The following PCTP variants were observed in gnomAD, a reference collection of about 807,000 sequenced individuals.
PCTP encodes the protein phosphatidylcholine transfer protein.
In PCTP, 27 loss-of-function variants were observed where a neutral mutation model predicts 31.0. That is an observed-to-expected ratio of 0.87 (90% CI 0.64 to 1.20). The LOEUF (loss-of-function observed/expected upper bound fraction) is 1.20, where lower values mean the gene tolerates loss of function less well. Among genes scored for constraint, PCTP ranks in the 50% most tolerant of loss-of-function variants. The pLI is 0.00. For synonymous variants in PCTP, 108 were observed against 101.2 expected (o/e 1.07, Z -0.40); for missense variants, 287 against 268.2 (o/e 1.07, Z -0.49).
rs536210850 is a variant in PCTP, at chr17:55,789,936, A to T, written c.317+2282A>T. 1.7e-4 allele frequency among the ~76,000 whole-genome samples: 26 copies of T among 152,302 alleles called. No individual in the cohort carries two copies. In the East Asian group the frequency reaches 4.8e-3, roughly 28 times the overall value. ...ACTGGCAAACCGAATCCAGCAGCAC[A>T]TCAAAAAGCTTATCCACCATGATCA... On this transcript the variant is annotated intron_variant, in intron 3 of 3. Transcript: ENST00000572536.
intron 3 of PCTP, among the ~76,000 whole-genome samples, chr17:55,794,309 T>TC (rs1555569042): frequency 6.6e-6 from 1 of 150,692 alleles, no homozygotes; most frequent in African/African-American, 2.4e-5. Context: ...GTCTTCTTCT[T>TC]TTTTTTTAAG....
At chr17:55,808,977 T>C (rs1351364706) in intron 3 of PCTP, among the ~76,000 whole-genome samples, 1 of 151,972 alleles carries the variant, frequency 6.6e-6, no homozygotes, top group East Asian at 1.9e-4. Flanking sequence ...GAGGCAATGG[T>C]GTTCAAGAAA....
chr17:55,777,421 G>A (rs1338217643), downstream of PCTP: 3 of 965,572 alleles, frequency 3.1e-6, no homozygotes, highest in African/African-American at 1.8e-5. Context: ...TTTTGTGAGT[G>A]TGCATCAGTT....
intron 3 of PCTP, among the ~76,000 whole-genome samples, chr17:55,790,920 G>A (rs1911941918): frequency 6.6e-6 from 1 of 151,290 alleles, no homozygotes; most frequent in Admixed American, 6.6e-5. Flanking sequence ...CAAGGCTACA[G>A]TAACCAAAAC....
Position 55,797,978 on chromosome 17 carries a change from G to T in PCTP, c.317+10324G>T, listed in dbSNP as rs531740859. Among the ~76,000 whole-genome samples, 9 of 151,924 alleles carry T rather than the reference G, an allele frequency of 5.9e-5. No individual in the cohort carries two copies. In the South Asian group the frequency reaches 1.5e-3, roughly 25 times the overall value. On this transcript the variant is annotated intron_variant, in intron 3 of 3. Coordinates refer to the PCTP transcript ENST00000572536. ...AAGACACAAACTTTTAAAAAACTGGGATTCATATGTCCAAAATATTAAATA... is the reference window on the plus strand; with the variant it reads ...AAGACACAAACTTTTAAAAAACTGGTATTCATATGTCCAAAATATTAAATA...
intron 1 of PCTP, among the ~76,000 whole-genome samples, chr17:55,764,476 C>A (rs1394377421): frequency 2.0e-5 from 3 of 152,166 alleles, no homozygotes; most frequent in Non-Finnish European, 4.4e-5. Flanking sequence ...TCTACTGGGG[C>A]ATCCATGGCA....
At position 55,776,071 on chromosome 17, in the gene PCTP, G is replaced by C. The variant is rs769888268; in HGVS notation, c.616G>C (p.Ala206Pro). ...VPNFLKDMAR[A>P]CQNYLKKT Reference sequence around the variant, plus strand: ...TAACTTCTTGAAAGACATGGCAAGAGCCTGTCAGAACTACCTCAAGAAAAC... The same window carrying C: ...TAACTTCTTGAAAGACATGGCAAGACCCTGTCAGAACTACCTCAAGAAAAC... Residue 206 changes from alanine to proline, a missense_variant, in exon 6 of 6, where the codon GCC (alanine) becomes CCC (proline). Ala to Pro is a conservative substitution (Grantham distance 27). Coordinates refer to ENST00000268896, the MANE Select transcript of PCTP (RefSeq NM_021213.4). The C allele has an allele frequency of 6.2e-7, 1 of 1,614,028 alleles. No individual in the cohort carries two copies. The highest frequency in any genetic ancestry group is 8.5e-7 in the Non-Finnish European group (1 of 1,179,962).
At chr17:55,772,384 C>G (rs558579108) in intron 3 of PCTP, among the ~76,000 whole-genome samples, 3 of 151,780 alleles carry the variant, frequency 2.0e-5, no homozygotes, top group African/African-American at 7.3e-5. Context: ...TGTCAGAGTT[C>G]GAGATCAGCC....
At chr17:55,814,506 A>G (rs566760589) in intron 3 of PCTP, among the ~76,000 whole-genome samples, 74 of 152,326 alleles carry the variant, frequency 4.9e-4, no homozygotes, top group Non-Finnish European at 9.7e-4. Context: ...AAGGCTGAAC[A>G]AGGTCGGGGG....
At chr17:55,788,808 A>G (rs185036570) in intron 3 of PCTP, among the ~76,000 whole-genome samples, 9 of 152,150 alleles carry the variant, frequency 5.9e-5, no homozygotes, top group African/African-American at 2.2e-4. Flanking sequence ...CATGAGCTAT[A>G]TTTCTTTTAT....
At chr17:55,791,492 A>G (rs369335689) in intron 3 of PCTP, among the ~76,000 whole-genome samples, 16,391 of 141,734 alleles carry the variant, frequency 0.12, 889 homozygotes, top group Middle Eastern at 0.19. Context: ...AAAAGTGGGC[A>G]AAGGACATGA....
intron 1 of PCTP, among the ~76,000 whole-genome samples, chr17:55,753,415 A>T (rs1909820161): frequency 6.6e-6 from 1 of 152,226 alleles, no homozygotes; most frequent in African/African-American, 2.4e-5. Flanking sequence ...CTTATAATTC[A>T]GGTGCTAAGT....
intron 3 of PCTP, among the ~76,000 whole-genome samples, chr17:55,808,954 C>G (rs1298830955): frequency 1.3e-5 from 2 of 152,134 alleles, no homozygotes; most frequent in African/African-American, 2.4e-5. Flanking sequence ...AGTATTTCTC[C>G]TCAATATCTG....
At chr17:55,792,784 C>T (rs1361008847) in intron 3 of PCTP, among the ~76,000 whole-genome samples, 2 of 152,114 alleles carry the variant, frequency 1.3e-5, no homozygotes, top group Non-Finnish European at 2.9e-5. Flanking sequence ...ATGCAGTATA[C>T]CTTTTTCATT....
intron 1 of PCTP, among the ~76,000 whole-genome samples, chr17:55,757,399 A>G (rs1910094353): frequency 6.6e-6 from 1 of 151,606 alleles, no homozygotes. Flanking sequence ...TCGTCTCAAC[A>G]ACTCTGAAAG....
At chr17:55,767,899 C>A (rs1052039373) in intron 2 of PCTP, among the ~76,000 whole-genome samples, 2 of 151,252 alleles carry the variant, frequency 1.3e-5, no homozygotes, top group Non-Finnish European at 2.9e-5. Flanking sequence ...TTGAGACCAG[C>A]CTGGCCAACA....
At chr17:55,771,230 T>A (rs367796987) in intron 3 of PCTP, 45 bp downstream of exon 3, 1 of 1,449,420 alleles carries the variant, frequency 6.9e-7, no homozygotes, top group African/African-American at 1.4e-5. Flanking sequence ...TCTAAGTGTT[T>A]CTGTGTTCCT....
intron 1 of PCTP, among the ~76,000 whole-genome samples, chr17:55,765,710 T>G (rs1177571183): frequency 1.3e-5 from 2 of 152,224 alleles, no homozygotes; most frequent in Non-Finnish European, 2.9e-5. Flanking sequence ...TCAGATCTGG[T>G]CATCCCTCTG....
chr17:55,775,545 T>C (rs1454483029), intron 5 of PCTP: 5 of 1,172,490 alleles, frequency 4.3e-6, no homozygotes, highest in Non-Finnish European at 5.3e-6. Flanking sequence ...TTTTTAAAAA[T>C]GAAGATAGAT....
Sources: allele counts gnomAD v4.1 joint callset (sites outside exome capture counted in the v4.1 genomes callset), GRCh38; gene constraint gnomAD v4.1.1; transcripts MANE v1.5; gene names NCBI Gene and HGNC (gene_info 2026-07-23, HGNC 2026-07-21).